The following TMEM108 variants were observed in gnomAD, a reference collection of about 807,000 sequenced individuals.
The protein encoded by TMEM108 is cancer/testis antigen 124.
TMEM108 carries 12 observed loss-of-function variants against 35.1 expected under a neutral mutation model. The observed-to-expected ratio is 0.34, with a 90% CI of 0.22 to 0.55. TMEM108 has a LOEUF of 0.55. Among genes scored for constraint, TMEM108 ranks in the 20% least tolerant of loss-of-function variants. The pLI is 0.89. For missense variants in TMEM108, 680 were observed against 753.3 expected (o/e 0.90, Z 1.14); for synonymous variants, 287 against 308.6 (o/e 0.93, Z 0.73).
chr3:133,323,686 A>T (rs868474096), intron 3 of TMEM108, among the ~76,000 whole-genome samples: 1 of 152,226 alleles, frequency 6.6e-6, no homozygotes, highest in Non-Finnish European at 1.5e-5. Flanking sequence ...CCTAAAATTC[A>T]TATGGAACCA....
At chr3:133,080,933 C>T (rs1943801894) in intron 2 of TMEM108, among the ~76,000 whole-genome samples, 1 of 152,194 alleles carries the variant, frequency 6.6e-6, no homozygotes, top group Non-Finnish European at 1.5e-5. Context: ...CTCCTTAAAG[C>T]TTCTCCTCTG....
intron 2 of TMEM108, among the ~76,000 whole-genome samples, chr3:133,087,673 G>A (rs1398796529): frequency 6.6e-6 from 1 of 152,148 alleles, no homozygotes; most frequent in Admixed American, 6.5e-5. Flanking sequence ...TGGGCTCCCT[G>A]GCGTTGTTGG....
intron 3 of TMEM108, chr3:133,378,196 C>T (rs753354326): frequency 2.7e-5 from 8 of 299,362 alleles, no homozygotes; most frequent in African/African-American, 1.4e-4. Context: ...TAAAGTCCCC[C>T]GCAGCCTCCC....
At chr3:133,198,991 T>C (rs1333173931) in intron 2 of TMEM108, among the ~76,000 whole-genome samples, 2 of 152,240 alleles carry the variant, frequency 1.3e-5, no homozygotes, top group Non-Finnish European at 2.9e-5. Flanking sequence ...CGTTTCTTTT[T>C]ACTCTTTTTT....
chr3:133,186,939 G>A (rs1317202206), intron 2 of TMEM108, among the ~76,000 whole-genome samples: 1 of 152,006 alleles, frequency 6.6e-6, no homozygotes, highest in African/African-American at 2.4e-5. Flanking sequence ...GTTTTCTTCA[G>A]TCTGGTTTTC....
chr3:133,163,756 G>T (rs1217070552), intron 2 of TMEM108, among the ~76,000 whole-genome samples: 1 of 152,146 alleles, frequency 6.6e-6, no homozygotes, highest in Non-Finnish European at 1.5e-5. Flanking sequence ...ATGCTCAGGG[G>T]CCTGAATCTA....
chr3:133,126,444 G>A (rs1944418253), intron 2 of TMEM108, among the ~76,000 whole-genome samples: 1 of 151,200 alleles, frequency 6.6e-6, no homozygotes, highest in Admixed American at 6.6e-5. Flanking sequence ...TCCAGCCTGG[G>A]CAACAGAGTG....
intron 3 of TMEM108, among the ~76,000 whole-genome samples, chr3:133,258,628 G>A (rs1303104593): frequency 6.6e-6 from 1 of 152,190 alleles, no homozygotes; most frequent in Non-Finnish European, 1.5e-5. Context: ...AGCATTCAGA[G>A]CTGTTTGGCA....
At chr3:133,283,157 A>G (rs1240904204) in intron 3 of TMEM108, among the ~76,000 whole-genome samples, 2 of 152,236 alleles carry the variant, frequency 1.3e-5, no homozygotes, top group African/African-American at 4.8e-5. Flanking sequence ...CCATTTAAAA[A>G]TATTTTTAAA....
intron 2 of TMEM108, among the ~76,000 whole-genome samples, chr3:133,214,220 T>G (rs1192397341): frequency 1.3e-5 from 2 of 152,142 alleles, no homozygotes; most frequent in African/African-American, 4.8e-5. Flanking sequence ...TACAGGAAAT[T>G]CAAGGATCAG....
chr3:133,211,597 C>T (rs1945834442), intron 2 of TMEM108, among the ~76,000 whole-genome samples: 1 of 152,134 alleles, frequency 6.6e-6, no homozygotes, highest in South Asian at 2.1e-4. Flanking sequence ...TTCCTGTCTC[C>T]TCAAAGGAGA....
intron 2 of TMEM108, among the ~76,000 whole-genome samples, chr3:133,107,795 T>C (rs372341622): frequency 2.7e-4 from 41 of 152,122 alleles, no homozygotes; most frequent in African/African-American, 8.5e-4. Context: ...GCCACAACCT[T>C]TTTGGAAGAC....
At chr3:133,071,674 T>C (rs1273353214) in intron 2 of TMEM108, among the ~76,000 whole-genome samples, 1 of 152,242 alleles carries the variant, frequency 6.6e-6, no homozygotes, top group Non-Finnish European at 1.5e-5. Flanking sequence ...TTGCCCATTT[T>C]TAAAAAATTG....
intron 2 of TMEM108, among the ~76,000 whole-genome samples, chr3:133,109,907 A>G (rs1370825234): frequency 6.6e-6 from 1 of 152,182 alleles, no homozygotes; most frequent in Non-Finnish European, 1.5e-5. Context: ...ACATTAGTAT[A>G]TAATACGGTA....
chr3:133,218,748 A>T lies in TMEM108; in HGVS notation c.-46-10518A>T, dbSNP rs967595252. 2.0e-5 allele frequency among the ~76,000 whole-genome samples: 3 copies of T among 152,012 alleles called. No homozygotes were observed. The East Asian group carries it at 5.8e-4, about 29-fold the overall frequency. On this transcript the variant is annotated intron_variant, in intron 2 of 5. Transcript: ENST00000321871. ...TAAATTTCACTTAATCTTGGTGAAT[A>T]ATCCTTTTGATGTGCTGTTGAACTT...
intron 3 of TMEM108, among the ~76,000 whole-genome samples, chr3:133,320,148 C>T (rs986733665): frequency 5.3e-5 from 8 of 152,024 alleles, no homozygotes; most frequent in African/African-American, 1.9e-4. Context: ...ACCATACTAG[C>T]TCCCCAGCAG....
At chr3:133,266,657 A>G (rs1946700492) in intron 3 of TMEM108, among the ~76,000 whole-genome samples, 1 of 152,224 alleles carries the variant, frequency 6.6e-6, no homozygotes, top group Non-Finnish European at 1.5e-5. Context: ...GATTAAGTGC[A>G]CTAAAGTCAG....
intron 2 of TMEM108, among the ~76,000 whole-genome samples, chr3:133,186,982 A>G (rs1161338267): frequency 1.3e-5 from 2 of 152,252 alleles, no homozygotes; most frequent in South Asian, 2.1e-4. Context: ...TGGGCAAGTC[A>G]CTTAACCTTT....
intron 2 of TMEM108, among the ~76,000 whole-genome samples, chr3:133,224,157 A>G (rs999833874): frequency 6.6e-6 from 1 of 152,074 alleles, no homozygotes; most frequent in Non-Finnish European, 1.5e-5. Flanking sequence ...TTATTTATTC[A>G]TTCATTCATT....
Sources: gnomAD v4.1 joint callset for allele counts (sites outside exome capture counted in the v4.1 genomes callset) on GRCh38, gnomAD v4.1.1 for gene constraint, MANE v1.5 for transcripts, NCBI Gene and HGNC (gene_info 2026-07-23, HGNC 2026-07-21) for gene names.